Variants in CACNB1 observed in about 807,000 individuals in gnomAD.
The protein encoded by CACNB1 is calcium voltage-gated channel auxiliary subunit beta 1, also known as voltage-dependent L-type calcium channel subunit beta-1.
Under a neutral mutation model 71.6 loss-of-function variants are expected in CACNB1, and 29 were observed. The observed-to-expected ratio is 0.40, with a 90% confidence interval of 0.30 to 0.55. The LOEUF is 0.55. CACNB1 is among the 20% of genes least tolerant of loss of function. The pLI is 0.38. For missense variants in CACNB1, 623 were observed against 801.8 expected (o/e 0.78, Z 2.69); for synonymous variants, 300 against 319.6 (o/e 0.94, Z 0.65).
Position 39,186,381 on chromosome 17 carries a change from TG to T in CACNB1, c.628+114del. On this transcript the variant is annotated intron_variant, in intron 6 of 13. Transcript: ENST00000394303. This position sits in a 1 kb window ranked among gnomAD's most constrained non-coding sequence, Gnocchi z 4.1. ...TGGAGGGGGAACCACTGCATGTGCT[TG>T]GGGGACTCAGGATTGGGGTGTTTCC... 1.3e-6 allele frequency: 1 copy of T among 750,068 alleles called. No individual in the cohort carries two copies. Among genetic ancestry groups the T allele is most frequent in the Non-Finnish European group, 2.2e-6 (1 of 449,514 alleles). The allele number at this position is 750,068 out of a possible 1,614,324, so 46.5% of individuals were successfully genotyped here. A position where few individuals can be genotyped will look rare whatever the true frequency, so the allele number is the denominator to read the frequency against.
At position 39,186,813 on chromosome 17, in the gene CACNB1, G is replaced by C. The variant is rs1332459901; in HGVS notation, c.531C>G (p.Arg177=). 2 of 1,614,006 alleles carry C rather than the reference G, an allele frequency of 1.2e-6. No homozygotes were observed. Among genetic ancestry groups the C allele is most frequent in the South Asian group, 2.2e-5 (2 of 91,076 alleles). ...SLRLLQEQKL[R]QNRLGSSKSG... ...GACACCTGGAGCCGAGGCGGTTCTG[G>C]CGCAGCTTCTGTTCCTGCAGCAGGC... is the stretch of plus-strand genomic sequence containing the variant. Residue 177 remains arginine (R), a synonymous_variant, in exon 5 of 14, where the codon CGC becomes CGG. Coordinates refer to ENST00000394303, the MANE Select transcript of CACNB1 (RefSeq NM_000723.5). The surrounding 1 kb of genome is among the most constrained non-coding windows in gnomAD (Gnocchi z 4.1).
intron 11 of CACNB1, among the ~76,000 whole-genome samples, chr17:39,181,295 T>A (rs1204585505): frequency 1.3e-5 from 2 of 152,144 alleles, no homozygotes; most frequent in Non-Finnish European, 2.9e-5. Context: ...GGTTTCATCA[T>A]GTTGCCCAGG....
intron 11 of CACNB1, 39 bp from the exon 12 acceptor site, chr17:39,178,118 G>T: frequency 1.3e-6 from 2 of 1,497,778 alleles, no homozygotes; most frequent in Non-Finnish European, 9.3e-7. Flanking sequence ...GAGCTAGAGG[G>T]ACTCAGGCAA....
intron 11 of CACNB1, among the ~76,000 whole-genome samples, chr17:39,178,658 T>C (rs1244338011): frequency 6.6e-6 from 1 of 152,048 alleles, no homozygotes; most frequent in Non-Finnish European, 1.5e-5. Context: ...GCTGGGATTA[T>C]AGGCGTGAGT....
chr17:39,183,352 G>A (rs59818800), intron 11 of CACNB1, among the ~76,000 whole-genome samples: 22,137 of 139,240 alleles, frequency 0.16, 2,200 homozygotes, highest in East Asian at 0.34. Flanking sequence ...AGAAGAAGAA[G>A]AAGAAGAAGA....
Position 39,197,526 on chromosome 17 carries a change from C to T in CACNB1, c.-31G>A, listed in dbSNP as rs1397931735. 1 of 1,467,568 alleles carries T rather than the reference C, an allele frequency of 6.8e-7. No individual in the cohort carries two copies. Among genetic ancestry groups the T allele is most frequent in the East Asian group, 3.0e-5 (1 of 33,874 alleles). 90.9% of individuals were successfully genotyped at this position (1,467,568 alleles called of 1,614,324 possible). A position where few individuals can be genotyped will look rare whatever the true frequency, so the allele number is the denominator to read the frequency against. On this transcript the variant is annotated 5_prime_UTR_variant, in exon 1 of 14. Coordinates refer to ENST00000394303, the MANE Select transcript of CACNB1 (RefSeq NM_000723.5). ...GGAGCCTCCCCTCCCGCCGCCGGCCCGGCCCAGCCGGGCTCCCTCAGCGCA... is the reference window on the plus strand; with the variant it reads ...GGAGCCTCCCCTCCCGCCGCCGGCCTGGCCCAGCCGGGCTCCCTCAGCGCA...
At chr17:39,183,913 G>C (rs1196172024) in intron 10 of CACNB1, 49 bp from the exon 11 acceptor site, 1 of 1,592,696 alleles carries the variant, frequency 6.3e-7, no homozygotes, top group Admixed American at 1.7e-5. Flanking sequence ...TGGCCTCCCA[G>C]GAACAGCAGG....
chr17:39,194,865 C>G lies in CACNB1; in HGVS notation c.171+19G>C. ...ACCAACCAGCCACCTCCCTCCTCTC[C>G]GCCCAGCCTCCCCATTACCTGGCGG... is the stretch of plus-strand genomic sequence containing the variant. On this transcript the variant is annotated intron_variant, in intron 2 of 13. Transcript: ENST00000394303. The surrounding 1 kb of genome is among the most constrained non-coding windows in gnomAD (Gnocchi z 4.6). 6.4e-7 allele frequency: 1 copy of G among 1,573,732 alleles called. No homozygotes were observed. The highest frequency in any genetic ancestry group is 8.7e-7 in the Non-Finnish European group (1 of 1,146,342).
chr17:39,175,784 G>A lies in CACNB1; in HGVS notation c.1333-127C>T. On this transcript the variant is annotated intron_variant, in intron 13 of 13. Coordinates refer to ENST00000394303, the MANE Select transcript of CACNB1 (RefSeq NM_000723.5). This position sits in a 1 kb window ranked among gnomAD's most constrained non-coding sequence, Gnocchi z 4.7. ...GGATGAAGAGGGTGCTGGCTCTAGA[G>A]GAGGGGCCCCGGGGACAAACGGCTC... is the stretch of plus-strand genomic sequence containing the variant. The A allele has an allele frequency of 1.3e-6, 1 of 781,636 alleles. No individual in the cohort carries two copies. The highest frequency in any genetic ancestry group is 1.9e-5 in the South Asian group (1 of 52,926). The allele number at this position is 781,636 out of a possible 1,614,324, so 48.4% of individuals were successfully genotyped here. A position where few individuals can be genotyped will look rare whatever the true frequency, so the allele number is the denominator to read the frequency against.
rs1217047671 is a variant in CACNB1, at chr17:39,175,611, C to T, written c.1379G>A (p.Gly460Glu). 3.8e-6 allele frequency: 6 copies of T among 1,590,134 alleles called. No homozygotes were observed. The highest frequency in any genetic ancestry group is 1.1e-5 in the South Asian group (1 of 87,788). The change falls in exon 14 of 14, where the codon GGG (glycine) becomes GAG (glutamate). Residue 460 changes from glycine (G) to glutamate (E), a missense_variant. Gly to Glu is a moderately conservative substitution (Grantham distance 98). Transcript: ENST00000394303. The surrounding 1 kb of genome is among the most constrained non-coding windows in gnomAD (Gnocchi z 4.7). ...SGDQPLERAT[G>E]EHASMHEYPG... ...GTACTCGTGCATGCTGGCGTGCTCC[C>T]CGGTGGCCCGTTCCAGTGGCTGGTC... is the stretch of plus-strand genomic sequence containing the variant.
chr17:39,194,316 C>T lies in CACNB1; in HGVS notation c.171+568G>A, dbSNP rs1266578478. Among the ~76,000 whole-genome samples, 1 of 152,128 alleles carries T rather than the reference C, an allele frequency of 6.6e-6. No homozygotes were observed. Among genetic ancestry groups the T allele is most frequent in the Non-Finnish European group, 1.5e-5 (1 of 68,028 alleles). ...AGTTACACCCTTTCAGGCAGGGGTG[C>T]TGGGCTATCATCTTCTCTATTATAA... On this transcript the variant is annotated intron_variant, in intron 2 of 13. Coordinates refer to ENST00000394303, the MANE Select transcript of CACNB1 (RefSeq NM_000723.5). The surrounding 1 kb of genome is among the most constrained non-coding windows in gnomAD (Gnocchi z 4.6).
chr17:39,176,690 C>A (rs1276058348), intron 13 of CACNB1, among the ~76,000 whole-genome samples: 1 of 152,166 alleles, frequency 6.6e-6, no homozygotes, highest in African/African-American at 2.4e-5. Context: ...GCTCTTAAGA[C>A]CTTATACTTA....
rs1482518637 is a variant in CACNB1, at chr17:39,186,321, T to C, written c.628+175A>G. 1.6e-6 allele frequency: 1 copy of C among 633,336 alleles called. No individual in the cohort carries two copies. Among genetic ancestry groups the C allele is most frequent in the Non-Finnish European group, 2.8e-6 (1 of 360,958 alleles). The allele number at this position is 633,336 out of a possible 1,614,324, so 39.2% of individuals were successfully genotyped here. ...CCAAAGAAAAGGGAGAGGAGAGACA[T>C]GACAGGCCCAGCTTGAGGGGTAGCC... On this transcript the variant is annotated intron_variant, in intron 6 of 13. Coordinates refer to ENST00000394303, the MANE Select transcript of CACNB1 (RefSeq NM_000723.5). This position sits in a 1 kb window ranked among gnomAD's most constrained non-coding sequence, Gnocchi z 4.1.
intron 6 of CACNB1, 35 bp from the exon 7 acceptor site, chr17:39,185,185 A>G: frequency 1.3e-6 from 2 of 1,595,944 alleles, no homozygotes; most frequent in South Asian, 1.1e-5. Flanking sequence ...GGGAAGGGGG[A>G]GGAGAGAGGG....
At chr17:39,181,936 G>A (rs2045776056) in intron 11 of CACNB1, among the ~76,000 whole-genome samples, 1 of 152,048 alleles carries the variant, frequency 6.6e-6, no homozygotes, top group Non-Finnish European at 1.5e-5. Context: ...GCCGAGGCCG[G>A]TGGATCACGA....
chr17:39,174,152 GA>G lies in CACNB1; in HGVS notation c.*1040del, dbSNP rs1456144125. The G allele has an allele frequency of 6.5e-6, 1 of 152,910 alleles. No homozygotes were observed. Among genetic ancestry groups the G allele is most frequent in the South Asian group, 2.1e-4 (1 of 4,840 alleles). The allele number at this position is 152,910 out of a possible 1,614,324, so 9.5% of individuals were successfully genotyped here. On this transcript the variant is annotated 3_prime_UTR_variant, in exon 14 of 14. Transcript: ENST00000394303. ...CAAGGCAAAGGGATGCCCCAGGGGA[GA>G]GGGGGTACCAAGGCCTCTCCTGGGG...
rs1339045664 is a variant in CACNB1 at position 39,179,276 on chromosome 17, G to A, written c.1051-1197C>T. On this transcript the variant is annotated intron_variant, in intron 11 of 13. Transcript: ENST00000394303. The stretch of plus-strand genomic sequence containing the variant: ...AGCTTGGACAACAGAGCAAGACTCC[G>A]TCTCAAAAAAAAAAAAAAAAAAAAA... 1.5e-4 allele frequency among the ~76,000 whole-genome samples: 16 copies of A among 108,196 alleles called. No individual in the cohort carries two copies. In the East Asian group the frequency reaches 3.5e-3, roughly 24 times the overall value. The allele number at this position is 108,196 out of a possible 152,430, so 71.0% of individuals were successfully genotyped here.
At chr17:39,179,085 A>T (rs1428894763) in intron 11 of CACNB1, among the ~76,000 whole-genome samples, 2 of 151,694 alleles carry the variant, frequency 1.3e-5, no homozygotes, top group Admixed American at 1.3e-4. Context: ...TGAAGTCAGG[A>T]GATCGAGACC....
intron 2 of CACNB1, chr17:39,192,789 G>A (rs895131111): frequency 6.6e-6 from 1 of 152,340 alleles, no homozygotes; most frequent in East Asian, 1.9e-4. Flanking sequence ...TCTCCCCAGG[G>A]GCCTCAGGTC....
Sources: gnomAD v4.1 joint callset for allele counts (sites outside exome capture counted in the v4.1 genomes callset) on GRCh38, gnomAD v4.1.1 for gene constraint, Gnocchi (gnomAD v3.1) non-coding constraint, MANE v1.5 for transcripts, NCBI Gene and HGNC (gene_info 2026-07-23, HGNC 2026-07-21) for gene names.